The following GTF2B variants were observed in gnomAD, a reference collection of about 807,000 sequenced individuals.
GTF2B encodes transcription initiation factor IIB.
A neutral mutation model predicts 34.6 loss-of-function variants in GTF2B; 20 were observed. The ratio of observed to expected loss-of-function variants is 0.58; its 90% CI spans 0.41 to 0.84. The LOEUF (loss-of-function observed/expected upper bound fraction) is 0.84. Among genes scored for constraint, GTF2B ranks in the 40% least tolerant of loss-of-function variants. GTF2B has a pLI of 0.00. For synonymous variants in GTF2B, 142 were observed against 132.4 expected (o/e 1.07, Z -0.50); for missense variants, 237 against 393.3 (o/e 0.60, Z 3.36).
chr1:88,879,007 G>A (rs1020146620), intron 2 of GTF2B, among the ~76,000 whole-genome samples: 14 of 152,298 alleles, frequency 9.2e-5, no homozygotes, highest in Admixed American at 3.3e-4. Flanking sequence ...ATAAAATCAT[G>A]AGCAAGATAA....
At chr1:88,869,500 CAA>C (rs1306408286) in intron 2 of GTF2B, among the ~76,000 whole-genome samples, 1 of 151,998 alleles carries the variant, frequency 6.6e-6, no homozygotes, top group East Asian at 1.9e-4. Context: ...ATGTCAGTCA[CAA>C]AAAAGTTCAT....
At chr1:88,879,422 T>C (rs1673884239) in intron 2 of GTF2B, among the ~76,000 whole-genome samples, 1 of 151,040 alleles carries the variant, frequency 6.6e-6, no homozygotes, top group Admixed American at 6.6e-5. Context: ...CTACTAAAAA[T>C]ACAAAAAATT....
chr1:88,887,427 C>T (rs773874430), intron 1 of GTF2B, 60 bp from the exon 2 acceptor site: 21 of 986,770 alleles, frequency 2.1e-5, no homozygotes, highest in Middle Eastern at 2.1e-4. Context: ...AATTAATCTT[C>T]TGGGATGGGG....
At chr1:88,861,413 C>T (rs1673438091) in intron 3 of GTF2B, among the ~76,000 whole-genome samples, 2 of 152,240 alleles carry the variant, frequency 1.3e-5, no homozygotes, top group Admixed American at 6.5e-5. Context: ...GCCTGTAATC[C>T]TGGCACTTTA....
chr1:88,857,056 CT>C, intron 6 of GTF2B, 149 bp downstream of exon 6: 2 of 677,234 alleles, frequency 3.0e-6, no homozygotes, highest in Non-Finnish European at 5.0e-6. Context: ...CCGCCTCGGC[CT>C]TCCAAAGTGC....
intron 1 of GTF2B, among the ~76,000 whole-genome samples, chr1:88,889,643 T>A (rs773231099): frequency 6.6e-6 from 1 of 152,232 alleles, no homozygotes; most frequent in Non-Finnish European, 1.5e-5. Context: ...AGAACATTTG[T>A]ACTCCTCTGT....
intron 2 of GTF2B, among the ~76,000 whole-genome samples, chr1:88,877,020 G>C (rs969997578): frequency 6.6e-6 from 1 of 152,056 alleles, no homozygotes; most frequent in African/African-American, 2.4e-5. Flanking sequence ...AAATCTAAAC[G>C]TACAGAAAAT....
intron 2 of GTF2B, among the ~76,000 whole-genome samples, chr1:88,876,991 T>C (rs1004056658): frequency 2.0e-5 from 3 of 152,090 alleles, no homozygotes; most frequent in African/African-American, 7.2e-5. Flanking sequence ...TGTGAAGACA[T>C]GGAAAATATG....
At chr1:88,855,880 G>A (rs17130638) in intron 6 of GTF2B, among the ~76,000 whole-genome samples, 3,690 of 152,292 alleles carry the variant, frequency 0.024, 95 homozygotes, top group South Asian at 0.07. Flanking sequence ...GCTGGTCACC[G>A]CACCTAGTTT....
intron 6 of GTF2B, among the ~76,000 whole-genome samples, chr1:88,856,755 A>T (rs1673321419): frequency 6.6e-6 from 1 of 151,844 alleles, no homozygotes. Flanking sequence ...AAAAAGCAAA[A>T]CATATTTTCT....
At chr1:88,874,497 A>ATT (rs56331310) in intron 2 of GTF2B, among the ~76,000 whole-genome samples, 18 of 83,576 alleles carry the variant, frequency 2.2e-4, no homozygotes, top group African/African-American at 7.7e-4. Context: ...AGCTAATTAA[A>ATT]TTTTTTTTTT....
chr1:88,867,521 C>T (rs1673588950), intron 2 of GTF2B, among the ~76,000 whole-genome samples: 1 of 151,514 alleles, frequency 6.6e-6, no homozygotes, highest in South Asian at 2.1e-4. Flanking sequence ...CCGTGGCCTT[C>T]AAACCCAGAG....
chr1:88,853,684 G>A (rs1011949765), intron 6 of GTF2B, among the ~76,000 whole-genome samples: 3 of 152,084 alleles, frequency 2.0e-5, no homozygotes, highest in African/African-American at 7.2e-5. Flanking sequence ...TGCGCCTGTA[G>A]TCCCAGCTAC....
chr1:88,860,350 A>C (rs572079375), intron 3 of GTF2B, 64 bp from the exon 4 acceptor site: 3 of 1,130,466 alleles, frequency 2.7e-6, no homozygotes, highest in Non-Finnish European at 2.6e-6. Context: ...GACAATTTCT[A>C]TGAAAATATA....
At chr1:88,854,788 G>A (rs369188262) in intron 6 of GTF2B, among the ~76,000 whole-genome samples, 18 of 152,284 alleles carry the variant, frequency 1.2e-4, no homozygotes, top group Middle Eastern at 3.4e-3. Context: ...GAGCCACCAC[G>A]CCTGGCCTAA....
rs571647530 is a variant in GTF2B at position 88,859,094 on chromosome 1, C to G, written c.535+788G>C. Among the ~76,000 whole-genome samples the G allele has an allele frequency of 9.2e-5, 14 of 152,200 alleles. No homozygotes were observed. The East Asian group carries it at 1.2e-3, about 13-fold the overall frequency. On this transcript the variant is annotated intron_variant, in intron 5 of 6. Transcript: ENST00000370500. ...TATTGGCCAGGCTGGTCTTGAACTC[C>G]TGGCCTCATGACCCAACCACCTCGG...
chr1:88,856,441 T>TG (rs966915769), intron 6 of GTF2B, among the ~76,000 whole-genome samples: 4 of 60,724 alleles, frequency 6.6e-5, no homozygotes, highest in Non-Finnish European at 1.5e-4. Flanking sequence ...CTGTGCAAAA[T>TG]GGGAAAAAAC....
chr1:88,854,017 G>A (rs973443229), intron 6 of GTF2B, among the ~76,000 whole-genome samples: 1 of 152,132 alleles, frequency 6.6e-6, no homozygotes, highest in African/African-American at 2.4e-5. Context: ...TTAGTATTAG[G>A]AGTGTTATCA....
intron 5 of GTF2B, 68 bp downstream of exon 5, chr1:88,859,814 C>T (rs761850812): frequency 5.9e-5 from 86 of 1,450,436 alleles, no homozygotes; most frequent in Middle Eastern, 3.7e-4. Context: ...CTGGCCTGGG[C>T]GACAAAGTGA....
Sources: gnomAD v4.1 joint callset for allele counts (sites outside exome capture counted in the v4.1 genomes callset) on GRCh38, gnomAD v4.1.1 for gene constraint, MANE v1.5 for transcripts, NCBI Gene and HGNC (gene_info 2026-07-23, HGNC 2026-07-21) for gene names.